KIT: variants seen among roughly 807,000 people sequenced by gnomAD.
The protein encoded by KIT is KIT proto-oncogene, receptor tyrosine kinase.
In KIT, 16 loss-of-function variants were observed where a neutral mutation model predicts 105.7. The observed-to-expected ratio is 0.15, with a 90% confidence interval of 0.10 to 0.23. The LOEUF (loss-of-function observed/expected upper bound fraction) is 0.23. KIT is among the 10% of genes least tolerant of loss of function. The pLI is 1.00. For synonymous variants in KIT, 438 were observed against 441.1 expected, an observed-to-expected ratio of 0.99 and a Z score of 0.09; for missense variants, 858 against 1,213.8, an observed-to-expected ratio of 0.71 and a Z score of 4.36.
chr4:54,686,833 C>G (rs1280908373), intron 1 of KIT, among the ~76,000 whole-genome samples: 2 of 152,186 alleles, frequency 1.3e-5, no homozygotes, highest in Non-Finnish European at 1.5e-5. Flanking sequence ...GTGTCAGCCA[C>G]CACTCCTGGC....
chr4:54,713,574 G>A (rs1312369686), intron 7 of KIT, among the ~76,000 whole-genome samples: 1 of 152,148 alleles, frequency 6.6e-6, no homozygotes, highest in Non-Finnish European at 1.5e-5. Flanking sequence ...GTTTGTTAGT[G>A]CAGAAATTCA....
Position 54,709,502 on chromosome 4 carries a change from C to T in KIT, c.1194C>T (p.Asp398=), listed in dbSNP as rs376940990. The T allele has an allele frequency of 2.4e-5, 39 of 1,612,390 alleles. No individual in the cohort carries two copies. The highest frequency in any genetic ancestry group is 5.5e-5 in the South Asian group (5 of 91,042). Residue 398 remains aspartate (D), a synonymous_variant, in exon 7 of 21, where the codon GAC becomes GAT. Coordinates refer to ENST00000288135, the MANE Select transcript of KIT (RefSeq NM_000222.3). ...ACACATTCCTAGTGTCCAATTCTGACGTCAATGCTGCCATAGCATTTAATG... is the reference window on the plus strand; with the variant it reads ...ACACATTCCTAGTGTCCAATTCTGATGTCAATGCTGCCATAGCATTTAATG... ...GTYTFLVSNS[D]VNAAIAFNVY...
At chr4:54,719,850 C>T (rs1441461876) in intron 7 of KIT, among the ~76,000 whole-genome samples, 1 of 152,158 alleles carries the variant, frequency 6.6e-6, no homozygotes, top group East Asian at 1.9e-4. Context: ...CTGGCTCATT[C>T]TTTATGCATT....
intron 13 of KIT, among the ~76,000 whole-genome samples, chr4:54,728,648 G>A (rs932823821): frequency 1.3e-5 from 2 of 152,176 alleles, no homozygotes; most frequent in African/African-American, 2.4e-5. Context: ...ACAAAGATGT[G>A]TAAAATGAGC....
At chr4:54,735,574 C>T (rs1417656186) in intron 17 of KIT, among the ~76,000 whole-genome samples, 3 of 152,150 alleles carry the variant, frequency 2.0e-5, no homozygotes, top group Non-Finnish European at 4.4e-5. Context: ...TTATCAAGTA[C>T]TTGCCTTTCT....
intron 14 of KIT, 45 bp from the exon 15 acceptor site, chr4:54,731,283 A>G (rs1722575699): frequency 7.3e-7 from 1 of 1,368,694 alleles, no homozygotes; most frequent in Non-Finnish European, 1.0e-6. Flanking sequence ...GTGCCCTTCT[A>G]CATGTCCCAC....
chr4:54,725,251 C>G (rs889135545), intron 8 of KIT, among the ~76,000 whole-genome samples: 2 of 151,984 alleles, frequency 1.3e-5, no homozygotes, highest in East Asian at 1.9e-4. Context: ...ATTACAGGCG[C>G]CTGCCACCAC....
At chr4:54,707,964 A>T (rs1024092595) in intron 6 of KIT, among the ~76,000 whole-genome samples, 1 of 152,150 alleles carries the variant, frequency 6.6e-6, no homozygotes, top group African/African-American at 2.4e-5. Context: ...AAGTGCCTGG[A>T]TAGGGTTTTG....
At chr4:54,689,788 T>C (rs1361327927) in intron 1 of KIT, among the ~76,000 whole-genome samples, 1 of 152,214 alleles carries the variant, frequency 6.6e-6, no homozygotes, top group Non-Finnish European at 1.5e-5. Context: ...CACAATGTTG[T>C]GTAACCATCA....
chr4:54,676,270 G>C (rs901731712), intron 1 of KIT, among the ~76,000 whole-genome samples: 1 of 152,162 alleles, frequency 6.6e-6, no homozygotes, highest in African/African-American at 2.4e-5. Context: ...TGGAAACTCT[G>C]AGAGCAGGGC....
At position 54,740,328 on chromosome 4, in the gene KIT, C is replaced by T. The variant is rs1723173608; in HGVS notation, c.*1771C>T. The T allele has an allele frequency of 4.3e-6, 1 of 233,536 alleles. No individual in the cohort carries two copies. The highest frequency in any genetic ancestry group is 8.5e-6 in the Non-Finnish European group (1 of 117,978). 14.5% of individuals were successfully genotyped at this position (233,536 alleles called of 1,614,324 possible). A position where few individuals can be genotyped will look rare whatever the true frequency, so the allele number is the denominator to read the frequency against. On this transcript the variant is annotated 3_prime_UTR_variant, in exon 21 of 21. Coordinates refer to ENST00000288135, the MANE Select transcript of KIT (RefSeq NM_000222.3). ...AAAAATTCCTTTGTGTTTCTATTGACTTCAATGATAGTAAGAAAAGTGGTT... is the reference window on the plus strand; with the variant it reads ...AAAAATTCCTTTGTGTTTCTATTGATTTCAATGATAGTAAGAAAAGTGGTT...
At chr4:54,708,673 A>C (rs979667251) in intron 6 of KIT, among the ~76,000 whole-genome samples, 2 of 152,176 alleles carry the variant, frequency 1.3e-5, no homozygotes, top group Non-Finnish European at 2.9e-5. Context: ...CCAGCAGCTC[A>C]GTGTGAGAGA....
chr4:54,709,369 T>C, intron 6 of KIT, 55 bp from the exon 7 acceptor site: 2 of 1,095,148 alleles, frequency 1.8e-6, no homozygotes, highest in Non-Finnish European at 2.8e-6. Context: ...GAAAAAGACA[T>C]GCCTTCCAAG....
chr4:54,738,338 G>T, intron 20 of KIT, 91 bp from the exon 21 acceptor site: 1 of 1,469,234 alleles, frequency 6.8e-7, no homozygotes. Context: ...GTTTCCATCA[G>T]TTAGTTGTGA....
chr4:54,675,127 C>T (rs1374612506), intron 1 of KIT, among the ~76,000 whole-genome samples: 2 of 152,118 alleles, frequency 1.3e-5, no homozygotes, highest in African/African-American at 4.8e-5. Context: ...CTTCCTCCAA[C>T]CTGAGTTTTC....
chr4:54,658,372 G>C (rs1344642238), intron 1 of KIT, among the ~76,000 whole-genome samples: 1 of 152,152 alleles, frequency 6.6e-6, no homozygotes, highest in South Asian at 2.1e-4. Context: ...GGCTCCGTGC[G>C]AGTTTGGGGT....
At chr4:54,734,768 T>C (rs913301090) in intron 17 of KIT, among the ~76,000 whole-genome samples, 3 of 152,236 alleles carry the variant, frequency 2.0e-5, no homozygotes, top group African/African-American at 4.8e-5. Flanking sequence ...AGTTCTTCAT[T>C]GTTTTTCATG....
At chr4:54,725,660 T>G (rs1232741229) in intron 8 of KIT, among the ~76,000 whole-genome samples, 197 bp from the exon 9 acceptor site, 1 of 152,186 alleles carries the variant, frequency 6.6e-6, no homozygotes, top group Non-Finnish European at 1.5e-5. Context: ...CTCCGAAGCC[T>G]CCTCTGCCTT....
intron 7 of KIT, among the ~76,000 whole-genome samples, chr4:54,722,340 C>T (rs1721931130): frequency 6.6e-6 from 1 of 152,122 alleles, no homozygotes; most frequent in Admixed American, 6.6e-5. Context: ...TCTTAGCTCT[C>T]TGTATGTGCC....
Sources: gnomAD v4.1 joint callset for allele counts (sites outside exome capture counted in the v4.1 genomes callset) on GRCh38, gnomAD v4.1.1 for gene constraint, MANE v1.5 for transcripts, NCBI Gene and HGNC (gene_info 2026-07-23, HGNC 2026-07-21) for gene names.